Variants in MMP26 observed in about 807,000 individuals in gnomAD.
The protein encoded by MMP26 is matrix metallopeptidase 26, also known as matrix metalloproteinase-26.
A neutral mutation model predicts 31.0 loss-of-function variants in MMP26; 33 were observed. The observed-to-expected ratio is 1.06, with a 90% CI of 0.81 to 1.42. The LOEUF is 1.42. MMP26 is among the 40% of genes most tolerant of loss of function. The pLI is 0.00. For missense variants in MMP26, 347 were observed against 316.1 expected, an observed-to-expected ratio of 1.10 and a Z score of -0.74; for synonymous variants, 122 against 114.9, an observed-to-expected ratio of 1.06 and a Z score of -0.40.
At chr11:4,882,589 T>C (rs757168818) in intron 2 of MMP26, 11 of 1,613,846 alleles carry the variant, frequency 6.8e-6, no homozygotes, top group Admixed American at 3.3e-5. Flanking sequence ...TTCTGGGCAT[T>C]GTGGCCCGAA....
At chr11:4,746,846 C>T (rs1035914044) in intron 1 of MMP26, among the ~76,000 whole-genome samples, 9 of 150,052 alleles carry the variant, frequency 6.0e-5, no homozygotes, top group African/African-American at 1.7e-4. Flanking sequence ...CACACACACA[C>T]ACACACACAC....
chr11:4,984,355 G>A (rs1266966471), intron 2 of MMP26, among the ~76,000 whole-genome samples: 5 of 152,160 alleles, frequency 3.3e-5, no homozygotes, highest in Non-Finnish European at 7.3e-5. Context: ...TACTTCACAG[G>A]TAGTTGTGTT....
At chr11:4,723,674 G>A in intron 1 of MMP26, 1 of 881,178 alleles carries the variant, frequency 1.1e-6, no homozygotes, top group Non-Finnish European at 1.9e-6. Flanking sequence ...TTCTCCATCA[G>A]CCCTTGCATG....
chr11:4,957,410 A>G (rs187024284), intron 2 of MMP26, among the ~76,000 whole-genome samples: 1 of 152,308 alleles, frequency 6.6e-6, no homozygotes, highest in African/African-American at 2.4e-5. Context: ...CATCCAGGTC[A>G]ATTGCTCATC....
intron 2 of MMP26, among the ~76,000 whole-genome samples, chr11:4,863,117 A>G (rs1850186894): frequency 1.3e-5 from 2 of 151,926 alleles, no homozygotes; most frequent in South Asian, 4.2e-4. Flanking sequence ...AGTTCTGAGA[A>G]CCTGCTGAAG....
intron 2 of MMP26, among the ~76,000 whole-genome samples, chr11:4,867,239 A>G (rs968629069): frequency 6.6e-6 from 1 of 152,164 alleles, no homozygotes; most frequent in Non-Finnish European, 1.5e-5. Context: ...ATTTACAAGA[A>G]AAAAACAAAC....
At chr11:4,706,421 G>T in intron 1 of MMP26, among the ~76,000 whole-genome samples, 1 of 151,402 alleles carries the variant, frequency 6.6e-6, no homozygotes. Flanking sequence ...AATTATCCAG[G>T]CATGATGGTG....
intron 4 of MMP26, among the ~76,000 whole-genome samples, chr11:4,990,220 A>G (rs1846976821): frequency 6.6e-6 from 1 of 152,232 alleles, no homozygotes; most frequent in Non-Finnish European, 1.5e-5. Flanking sequence ...AGATATCTAA[A>G]GCAAGCAGTA....
chr11:4,967,727 G>T (rs993400150), intron 2 of MMP26, among the ~76,000 whole-genome samples: 5 of 152,212 alleles, frequency 3.3e-5, no homozygotes, highest in South Asian at 2.1e-4. Context: ...AATAAAATCA[G>T]TTTTTTCAAT....
chr11:4,955,200 T>C lies in MMP26; in HGVS notation c.-144-32868T>C, dbSNP rs140406262. ...TAGGAATGGGATAATTGGTTTTTCT[T>C]GCAATATCTCAAGCTTCTTAAAGTG... On this transcript the variant is annotated intron_variant, in intron 2 of 7. Coordinates refer to ENST00000380390, the MANE Select transcript of MMP26 (RefSeq NM_021801.5). 3 of 1,285,592 alleles carry C rather than the reference T, an allele frequency of 2.3e-6. No individual in the cohort carries two copies. In the African/African-American group the frequency reaches 4.8e-5, roughly 20 times the overall value. 79.6% of individuals were successfully genotyped at this position (1,285,592 alleles called of 1,614,324 possible).
At chr11:4,923,815 C>A (rs928966980) in intron 2 of MMP26, 1 of 1,613,868 alleles carries the variant, frequency 6.2e-7, no homozygotes, top group African/African-American at 1.3e-5. Context: ...CATGAGCCAG[C>A]ACATGGGAGT....
chr11:4,850,696 CAT>C (rs1159789010), intron 2 of MMP26, among the ~76,000 whole-genome samples: 1 of 151,810 alleles, frequency 6.6e-6, no homozygotes, highest in African/African-American at 2.4e-5. Context: ...ATTCCAAATA[CAT>C]ATGTTATAAA....
chr11:4,714,933 C>G (rs1375059687), intron 1 of MMP26, among the ~76,000 whole-genome samples: 1 of 151,698 alleles, frequency 6.6e-6, no homozygotes, highest in Non-Finnish European at 1.5e-5. Context: ...CACACACACA[C>G]ACACACACAC....
At chr11:4,763,032 G>T (rs1848586900) in intron 1 of MMP26, among the ~76,000 whole-genome samples, 1 of 152,276 alleles carries the variant, frequency 6.6e-6, no homozygotes, top group Non-Finnish European at 1.5e-5. Flanking sequence ...AAATAATTAA[G>T]CCTATATTAA....
intron 2 of MMP26, among the ~76,000 whole-genome samples, chr11:4,801,001 A>G (rs1849173277): frequency 6.6e-6 from 1 of 152,170 alleles, no homozygotes; most frequent in Non-Finnish European, 1.5e-5. Context: ...CCTGGATTTT[A>G]CTGTCCATAT....
intron 2 of MMP26, among the ~76,000 whole-genome samples, chr11:4,983,703 G>A (rs1257386420): frequency 6.6e-6 from 1 of 152,076 alleles, no homozygotes; most frequent in Non-Finnish European, 1.5e-5. Context: ...ATAAAATCTG[G>A]TATCCATTAT....
At chr11:4,793,129 T>C (rs1253044827) in intron 2 of MMP26, among the ~76,000 whole-genome samples, 1 of 152,178 alleles carries the variant, frequency 6.6e-6, no homozygotes, top group Non-Finnish European at 1.5e-5. Context: ...CTATTTGTAT[T>C]CCTACTTTTA....
intron 2 of MMP26, among the ~76,000 whole-genome samples, chr11:4,956,303 T>C (rs1846442008): frequency 6.6e-6 from 1 of 152,220 alleles, no homozygotes; most frequent in Non-Finnish European, 1.5e-5. Flanking sequence ...ACCTAACCAG[T>C]GGCTCTCGGG....
chr11:4,941,664 T>G (rs1388099761), intron 2 of MMP26, among the ~76,000 whole-genome samples: 1 of 152,216 alleles, frequency 6.6e-6, no homozygotes, highest in African/African-American at 2.4e-5. Flanking sequence ...TGCTTGACTA[T>G]CATGCTACAT....
Sources: allele counts gnomAD v4.1 joint callset (sites outside exome capture counted in the v4.1 genomes callset), GRCh38; gene constraint gnomAD v4.1.1; transcripts MANE v1.5; gene names NCBI Gene and HGNC (gene_info 2026-07-23, HGNC 2026-07-21).